Variants in PRSS36 observed in about 807,000 individuals in gnomAD.
PRSS36 encodes the protein serine protease 36.
A neutral mutation model predicts 94.3 loss-of-function variants in PRSS36; 90 were observed. The ratio of observed to expected loss-of-function variants is 0.95; its 90% CI spans 0.80 to 1.14. The LOEUF is 1.14. Ranked by LOEUF, PRSS36 falls within the 50% of genes most tolerant of loss-of-function variation. The pLI is 0.00. For missense variants in PRSS36, 1,158 were observed against 1,135.0 expected (o/e 1.02, Z -0.29); for synonymous variants, 500 against 489.6 (o/e 1.02, Z -0.28).
chr16:31,142,034 A>G (rs1249452479), intron 10 of PRSS36, 74 bp from the exon 11 acceptor site: 3 of 1,332,302 alleles, frequency 2.3e-6, no homozygotes, highest in Non-Finnish European at 3.2e-6. Flanking sequence ...GGGGCTTTCC[A>G]GGACTCCAGA....
At chr16:31,142,700 C>G (rs2057724912) in intron 9 of PRSS36, 37 bp downstream of exon 9, 5 of 1,348,724 alleles carry the variant, frequency 3.7e-6, no homozygotes, top group Admixed American at 4.0e-5. Flanking sequence ...CCTGCACCGC[C>G]CGGTGCCGCC....
In PRSS36 at chr16:31,149,517, A is replaced by G; in HGVS notation, c.74-19T>C. The G allele has an allele frequency of 6.2e-7, 1 of 1,614,024 alleles. No homozygotes were observed. Among genetic ancestry groups the G allele is most frequent in the Non-Finnish European group, 8.5e-7 (1 of 1,179,962 alleles). On this transcript the variant is annotated intron_variant, in intron 2 of 14. Transcript: ENST00000268281. Reference sequence around the variant, plus strand: ...CTGAGAGCTGGGAGCCAGAGGGGAAAGAGAGGAGGACACTTGTGACTTCCA... The same window carrying G: ...CTGAGAGCTGGGAGCCAGAGGGGAAGGAGAGGAGGACACTTGTGACTTCCA...
Position 31,149,055 on chromosome 16 carries a change from A to G in PRSS36, c.272+18T>C, listed in dbSNP as rs1247840768. 6.3e-7 allele frequency: 1 copy of G among 1,575,446 alleles called. No homozygotes were observed. The highest frequency in any genetic ancestry group is 2.3e-5 in the East Asian group (1 of 43,858). Reference sequence around the variant, plus strand: ...CAGCTTTTGGCGGAGAGGGGCCAGGACCAGGGCGAATACTCACGTCATGAA... The same window carrying G: ...CAGCTTTTGGCGGAGAGGGGCCAGGGCCAGGGCGAATACTCACGTCATGAA... On this transcript the variant is annotated intron_variant, in intron 4 of 14. Coordinates refer to ENST00000268281, the MANE Select transcript of PRSS36 (RefSeq NM_173502.5).
In PRSS36 at chr16:31,143,685, C is replaced by T. The variant is rs1477133600; in HGVS notation, c.873G>A (p.Met291Ile). 1 of 1,614,064 alleles carries T rather than the reference C, an allele frequency of 6.2e-7. No individual in the cohort carries two copies. Among genetic ancestry groups the T allele is most frequent in the African/African-American group, 1.3e-5 (1 of 74,934 alleles). ...GAAAGGCAGGCCCAGGCTCTGAACC[C>T]ATCACCTGCTCCCGTATCCATGCCT... ...TYEAWIREQV[M>I]GSEPGPAFPT... The change falls in exon 7 of 15, where the codon ATG becomes ATA. Residue 291 changes from methionine to isoleucine, a missense_variant. By Grantham distance (10) the Met-to-Ile change is conservative. Coordinates refer to ENST00000268281, the MANE Select transcript of PRSS36 (RefSeq NM_173502.5).
chr16:31,142,346 G>A, intron 10 of PRSS36, 135 bp downstream of exon 10: 1 of 1,013,226 alleles, frequency 9.9e-7, no homozygotes, highest in Non-Finnish European at 1.4e-6. Flanking sequence ...TCCCTCCCTA[G>A]AGCCCACTCG....
rs865997342 is a variant in PRSS36 at position 31,142,916 on chromosome 16, C to A, written c.1178G>T (p.Arg393Leu). The A allele has an allele frequency of 6.5e-7, 1 of 1,529,822 alleles. No individual in the cohort carries two copies. Among genetic ancestry groups the A allele is most frequent in the Non-Finnish European group, 8.7e-7 (1 of 1,144,898 alleles). The allele number at this position is 1,529,822 out of a possible 1,614,324, so 94.8% of individuals were successfully genotyped here. Residue 393 changes from arginine (R) to leucine (L), a missense_variant, in exon 9 of 15, where the codon CGG becomes CTG. By Grantham distance (102) the Arg-to-Leu change is moderately radical. Coordinates refer to ENST00000268281, the MANE Select transcript of PRSS36 (RefSeq NM_173502.5). ...VLLPSRPRAE[R>L]VARLVQHENA... ...CTCGTGCTGCACCAGGCGCGCCACC[C>A]GCTCCGCGCGCGGGCGCGAGGGCAG...
Position 31,142,519 on chromosome 16 carries a change from G to A in PRSS36, c.1483C>T (p.Pro495Ser), listed in dbSNP as rs1012029255. ...ACCTCCTCCTTTTCCTGGTAGGCAG[G>A]GCAGAGCGCGTGCGGCGGGTCTCCG... ...LPGDPPHALC[P>S]AYQEKEEVGS... is the part of the protein sequence containing the mutation. The change falls in exon 10 of 15, where the codon CCT becomes TCT. Residue 495 changes from proline (P) to serine (S), a missense_variant. Pro to Ser is a moderately conservative substitution (Grantham distance 74, BLOSUM62 -1). Coordinates refer to ENST00000268281, the MANE Select transcript of PRSS36 (RefSeq NM_173502.5). 3 of 1,517,258 alleles carry A rather than the reference G, an allele frequency of 2.0e-6. No homozygotes were observed. The highest frequency in any genetic ancestry group is 2.8e-5 in the African/African-American group (2 of 71,322). 94.0% of individuals were successfully genotyped at this position (1,517,258 alleles called of 1,614,324 possible). A position where few individuals can be genotyped will look rare whatever the true frequency, so the allele number is the denominator to read the frequency against.
intron 14 of PRSS36, 93 bp downstream of exon 14, chr16:31,140,201 A>AG: frequency 7.9e-7 from 1 of 1,269,780 alleles, no homozygotes; most frequent in Non-Finnish European, 1.1e-6. Flanking sequence ...AAAAAAAAAA[A>AG]AAAAAAAAAT....
rs201352851 is a variant in PRSS36, at chr16:31,149,770, C to T, written c.38-39G>A. 123 of 1,613,920 alleles carry T rather than the reference C, an allele frequency of 7.6e-5. 1 individual carries two copies. The East Asian group carries it at 9.6e-4, about 13-fold the overall frequency. On this transcript the variant is annotated intron_variant, in intron 1 of 14. Transcript: ENST00000268281. ...GGTAGGCAGGAAGAGGCTGGCGACT[C>T]GCACTCAGTATGTGCCCTCCCTGAC...
rs1345721120 is a variant in PRSS36 at position 31,149,926 on chromosome 16, G to A, written c.37+73C>T. The A allele has an allele frequency of 3.8e-6, 6 of 1,580,434 alleles. No homozygotes were observed. The East Asian group carries it at 1.3e-4, about 35-fold the overall frequency. ...CTTCCTGCTCCCCACACAGAAACCA[G>A]GAATCCTGCTCTCCAGCCCCCCAGA... On this transcript the variant is annotated intron_variant, in intron 1 of 14. Transcript: ENST00000268281.
intron 5 of PRSS36, among the ~76,000 whole-genome samples, chr16:31,147,811 G>T (rs902127124): frequency 2.9e-4 from 44 of 152,244 alleles, no homozygotes; most frequent in African/African-American, 9.4e-4. Context: ...AGAGATGAGT[G>T]GGGGTGGATG....
In PRSS36 at chr16:31,141,631, C is replaced by T; in HGVS notation, c.1760-21G>A. On this transcript the variant is annotated intron_variant, in intron 11 of 14. Coordinates refer to ENST00000268281, the MANE Select transcript of PRSS36 (RefSeq NM_173502.5). ...ACAGGCTAGGGAGAGGAGGTGGCCA[C>T]CTCAGTTGGGGCCCCATGGCTGACC... 10 of 1,611,836 alleles carry T rather than the reference C, an allele frequency of 6.2e-6. No homozygotes were observed. The South Asian group carries it at 9.9e-5, about 16-fold the overall frequency.
At chr16:31,142,010 A>G (rs748907827) in intron 10 of PRSS36, 50 bp from the exon 11 acceptor site, 3 of 1,520,768 alleles carry the variant, frequency 2.0e-6, no homozygotes, top group Admixed American at 1.7e-5. Flanking sequence ...TGTGCAGAGA[A>G]TATCAGAGCT....
At chr16:31,142,398 T>C in intron 10 of PRSS36, 83 bp downstream of exon 10, 1 of 1,355,510 alleles carries the variant, frequency 7.4e-7, no homozygotes, top group South Asian at 1.6e-5. Context: ...TAGAGCCCAC[T>C]TGGACTCGCC....
Position 31,142,937 on chromosome 16 carries a change from G to T in PRSS36, c.1157C>A (p.Pro386His). ...CACCCGCTCCGCGCGCGGGCGCGAGGGCAGCAGCACGCGCCAGGCGTCGAG... is the reference window on the plus strand; with the variant it reads ...CACCCGCTCCGCGCGCGGGCGCGAGTGCAGCAGCACGCGCCAGGCGTCGAG... ...RDLDAWRVLL[P>H]SRPRAERVAR... The change falls in exon 9 of 15, where the codon CCC (proline) becomes CAC (histidine). Residue 386 changes from proline (P) to histidine (H), a missense_variant. Transcript: ENST00000268281. 2.0e-6 allele frequency: 3 copies of T among 1,494,990 alleles called. No homozygotes were observed. Among genetic ancestry groups the T allele is most frequent in the East Asian group, 2.7e-5 (1 of 37,334 alleles). 92.6% of individuals were successfully genotyped at this position (1,494,990 alleles called of 1,614,324 possible). A position where few individuals can be genotyped will look rare whatever the true frequency, so the allele number is the denominator to read the frequency against.
In PRSS36 at chr16:31,141,507, G is replaced by A. The variant is rs761953836; in HGVS notation, c.1863C>T (p.Ala621=). The A allele has an allele frequency of 6.2e-7, 1 of 1,612,990 alleles. No individual in the cohort carries two copies. The highest frequency in any genetic ancestry group is 8.5e-7 in the Non-Finnish European group (1 of 1,179,950). ...GDRVCTGILL[A]PGWVLAATHC... ...GAGTGGCTGCCAGGACCCAGCCTGG[G>A]GCCAGGAGGATCCCAGTGCAGACTC... is the stretch of plus-strand genomic sequence containing the variant. The change falls in exon 12 of 15, where the codon GCC becomes GCT. Residue 621 remains alanine (A), a synonymous_variant. Transcript: ENST00000268281.
chr16:31,145,351 C>T (rs1428321281), intron 6 of PRSS36, among the ~76,000 whole-genome samples: 5 of 122,312 alleles, frequency 4.1e-5, no homozygotes, highest in South Asian at 2.6e-4. Context: ...CCAGCCTGGG[C>T]GACTGAGCAA....
At position 31,142,769 on chromosome 16, in the gene PRSS36, C is replaced by T. The variant is rs1303524794; in HGVS notation, c.1325G>A (p.Ser442Asn). The T allele has an allele frequency of 1.4e-6, 2 of 1,423,412 alleles. No individual in the cohort carries two copies. The highest frequency in any genetic ancestry group is 6.0e-5 in the Admixed American group (2 of 33,592). The allele number at this position is 1,423,412 out of a possible 1,614,324, so 88.2% of individuals were successfully genotyped here. Reference protein sequence around the residue: ...PHPEHYFLPGSRCRLARWGRG... With the variant: ...PHPEHYFLPGNRCRLARWGRG... ...GCCCCAGCGGGCCAGGCGGCAGCGGCTCCCGGGCAGGAAGTAGTGTTCCGG... is the reference window on the plus strand; with the variant it reads ...GCCCCAGCGGGCCAGGCGGCAGCGGTTCCCGGGCAGGAAGTAGTGTTCCGG... The change falls in exon 9 of 15, where the codon AGC (serine) becomes AAC (asparagine). Residue 442 changes from serine to asparagine, a missense_variant. Transcript: ENST00000268281.
chr16:31,147,572 C>G (rs981102602), intron 5 of PRSS36, among the ~76,000 whole-genome samples: 20 of 152,028 alleles, frequency 1.3e-4, no homozygotes, highest in Non-Finnish European at 1.8e-4. Context: ...TTGGTCTATT[C>G]CCCCCCACCT....
Sources: allele counts gnomAD v4.1 joint callset (sites outside exome capture counted in the v4.1 genomes callset), GRCh38; gene constraint gnomAD v4.1.1; transcripts MANE v1.5; gene names NCBI Gene and HGNC (gene_info 2026-07-23, HGNC 2026-07-21).